The following RAPGEF5 variants were observed in gnomAD, a reference collection of about 807,000 sequenced individuals.
RAPGEF5 encodes the protein Rap guanine nucleotide exchange factor 5, also known as M-Ras-regulated GEF.
RAPGEF5 carries 65 observed loss-of-function variants against 125.2 expected under a neutral mutation model. The observed-to-expected ratio is 0.52, with a 90% CI of 0.43 to 0.64. The LOEUF (loss-of-function observed/expected upper bound fraction) is 0.64, where lower values mean the gene tolerates loss of function less well. Ranked by LOEUF, RAPGEF5 falls within the 30% of genes least tolerant of loss-of-function variation. The pLI is 0.00. For missense variants in RAPGEF5, 958 were observed against 1,048.1 expected, an observed-to-expected ratio of 0.91 and a Z score of 1.19; for synonymous variants, 391 against 385.9, an observed-to-expected ratio of 1.01 and a Z score of -0.16.
intron 1 of RAPGEF5, among the ~76,000 whole-genome samples, chr7:22,340,975 G>A (rs1175319671): frequency 1.3e-5 from 2 of 152,180 alleles, no homozygotes; most frequent in East Asian, 3.8e-4. Context: ...AACACGAGGT[G>A]ACTTATCATT....
intron 1 of RAPGEF5, among the ~76,000 whole-genome samples, chr7:22,354,351 G>A (rs1297445364): frequency 6.6e-6 from 1 of 152,192 alleles, no homozygotes; most frequent in Non-Finnish European, 1.5e-5. Flanking sequence ...CGCAGCTCCA[G>A]TCTGGAGGTA....
In RAPGEF5 at chr7:22,193,411, AG is replaced by A; in HGVS notation, c.1159del (p.Leu387PhefsTer2). On this transcript the variant is annotated frameshift_variant, in exon 11 of 26. Coordinates refer to ENST00000665637, the MANE Select transcript of RAPGEF5 (RefSeq NM_012294.5). LOFTEE classifies it high-confidence loss of function. ...TTCTTCCAGGTGCAAGTCATTCAAAAGGTGCTCCAAAATCTTCTCCGGGGTC... is the reference window on the plus strand; with the variant it reads ...TTCTTCCAGGTGCAAGTCATTCAAAAGTGCTCCAAAATCTTCTCCGGGGTC... ...SGTPEKILEH[L>X]LNDLHLEEVQ... The A allele has an allele frequency of 6.3e-7, 1 of 1,597,238 alleles. No individual in the cohort carries two copies. Among genetic ancestry groups the A allele is most frequent in the Non-Finnish European group, 8.5e-7 (1 of 1,171,422 alleles).
At chr7:22,300,945 C>T (rs574434908) in intron 5 of RAPGEF5, among the ~76,000 whole-genome samples, 1 of 152,322 alleles carries the variant, frequency 6.6e-6, no homozygotes, top group Non-Finnish European at 1.5e-5. Context: ...TAGATTTTGA[C>T]AACTGTGCCA....
At chr7:22,303,157 C>T (rs150489730) in intron 5 of RAPGEF5, among the ~76,000 whole-genome samples, 54 of 152,280 alleles carry the variant, frequency 3.5e-4, no homozygotes, top group African/African-American at 8.2e-4. Flanking sequence ...CCTTTTCCTA[C>T]GCTGTTATTT....
intron 11 of RAPGEF5, among the ~76,000 whole-genome samples, chr7:22,173,401 T>C (rs1289152417): frequency 2.0e-5 from 3 of 152,240 alleles, no homozygotes; most frequent in Admixed American, 6.5e-5. Flanking sequence ...AGGCTCACCA[T>C]AGCGTTTTCT....
chr7:22,262,842 T>C (rs1468330485), intron 7 of RAPGEF5, among the ~76,000 whole-genome samples: 1 of 152,188 alleles, frequency 6.6e-6, no homozygotes, highest in Non-Finnish European at 1.5e-5. Flanking sequence ...TGTGCATCTG[T>C]AGTCCCAGCC....
chr7:22,120,423 A>C lies in RAPGEF5; in HGVS notation c.*1983T>G, dbSNP rs1782548848. ...TAGGAGCAATGTAGTTCTAATGTAA[A>C]TAAAAATCCAAATTTTGAAACACAG... On this transcript the variant is annotated 3_prime_UTR_variant, in exon 26 of 26. Coordinates refer to ENST00000665637, the MANE Select transcript of RAPGEF5 (RefSeq NM_012294.5). This position sits in a 1 kb window ranked among gnomAD's most constrained non-coding sequence, Gnocchi z 4.0. The C allele has an allele frequency of 6.5e-6, 1 of 152,676 alleles. No homozygotes were observed. The highest frequency in any genetic ancestry group is 1.5e-5 in the Non-Finnish European group (1 of 68,048). 9.5% of individuals were successfully genotyped at this position (152,676 alleles called of 1,614,324 possible). A position where few individuals can be genotyped will look rare whatever the true frequency, so the allele number is the denominator to read the frequency against.
At chr7:22,172,332 C>T (rs1188044051) in intron 11 of RAPGEF5, among the ~76,000 whole-genome samples, 1 of 152,096 alleles carries the variant, frequency 6.6e-6, no homozygotes, top group Non-Finnish European at 1.5e-5. Flanking sequence ...CCATGTTGGC[C>T]AGGTTGGTCT....
At chr7:22,345,825 C>G (rs541974050) in intron 1 of RAPGEF5, among the ~76,000 whole-genome samples, 1 of 151,788 alleles carries the variant, frequency 6.6e-6, no homozygotes, top group Non-Finnish European at 1.5e-5. Flanking sequence ...AGGGTTGCTG[C>G]CACTAAGTAC....
chr7:22,177,597 C>T (rs970509755), intron 11 of RAPGEF5, among the ~76,000 whole-genome samples: 2 of 152,224 alleles, frequency 1.3e-5, no homozygotes, highest in Non-Finnish European at 1.5e-5. Context: ...ATGATAATCA[C>T]GGAATCACCA....
intron 9 of RAPGEF5, among the ~76,000 whole-genome samples, chr7:22,213,946 A>G (rs1785569564): frequency 6.6e-6 from 1 of 152,246 alleles, no homozygotes; most frequent in Non-Finnish European, 1.5e-5. Flanking sequence ...GAGTAAAAAG[A>G]GGATTTTCAC....
chr7:22,156,680 T>C, intron 16 of RAPGEF5, 130 bp downstream of exon 16: 1 of 1,424,670 alleles, frequency 7.0e-7, no homozygotes, highest in Non-Finnish European at 9.4e-7. Flanking sequence ...CCATGCTGTT[T>C]GAGGCTAACG....
At chr7:22,180,890 C>A (rs920721164) in intron 11 of RAPGEF5, among the ~76,000 whole-genome samples, 1 of 152,172 alleles carries the variant, frequency 6.6e-6, no homozygotes, top group Non-Finnish European at 1.5e-5. Context: ...GAACAAACAC[C>A]TTCCCTGGGA....
chr7:22,280,021 C>G (rs1004809384), intron 6 of RAPGEF5, among the ~76,000 whole-genome samples: 21 of 152,010 alleles, frequency 1.4e-4, no homozygotes, highest in African/African-American at 4.1e-4. Context: ...TGGAAACAGG[C>G]CTCCCGAAAA....
chr7:22,143,859 C>T (rs947952540), intron 20 of RAPGEF5, among the ~76,000 whole-genome samples: 8 of 152,232 alleles, frequency 5.3e-5, no homozygotes, highest in African/African-American at 1.2e-4. Context: ...ACACACTGCA[C>T]GCCTCACAAA....
At chr7:22,300,489 G>A (rs923102429) in intron 5 of RAPGEF5, among the ~76,000 whole-genome samples, 2 of 152,044 alleles carry the variant, frequency 1.3e-5, no homozygotes, top group Non-Finnish European at 2.9e-5. Flanking sequence ...TGATTATTTT[G>A]TGTCAAGTAA....
chr7:22,248,536 G>A (rs767034800), intron 7 of RAPGEF5, among the ~76,000 whole-genome samples: 1 of 152,148 alleles, frequency 6.6e-6, no homozygotes, highest in African/African-American at 2.4e-5. Flanking sequence ...CTTCCCTGAG[G>A]ACCACAGGCT....
intron 3 of RAPGEF5, chr7:22,314,679 T>C: frequency 2.1e-6 from 2 of 947,130 alleles, no homozygotes; most frequent in African/African-American, 3.5e-5. Context: ...GTTTTTCTTT[T>C]TGTTTTCTTT....
intron 7 of RAPGEF5, among the ~76,000 whole-genome samples, chr7:22,251,481 G>C (rs1012843004): frequency 2.6e-5 from 4 of 152,144 alleles, no homozygotes; most frequent in Non-Finnish European, 4.4e-5. Flanking sequence ...ACTAACCAGG[G>C]AACCAAGGAC....
Sources: allele counts gnomAD v4.1 joint callset (sites outside exome capture counted in the v4.1 genomes callset), GRCh38; gene constraint gnomAD v4.1.1; non-coding constraint Gnocchi (gnomAD v3.1); transcripts MANE v1.5; gene names NCBI Gene and HGNC (gene_info 2026-07-23, HGNC 2026-07-21).